CACNA1C: variants seen among roughly 807,000 people sequenced by gnomAD.
The protein encoded by CACNA1C is calcium voltage-gated channel subunit alpha1 C.
In CACNA1C, 30 loss-of-function variants were observed where a neutral mutation model predicts 229.0. That is an observed-to-expected ratio of 0.13 (90% CI 0.10 to 0.18). CACNA1C has a LOEUF of 0.18. Among genes scored for constraint, CACNA1C ranks in the 10% least tolerant of loss-of-function variants. The probability of loss-of-function intolerance (pLI) is 1.00; values close to 1 mark genes in which losing one functional copy is unlikely to be tolerated. For synonymous variants in CACNA1C, 1,114 were observed against 1,132.5 expected (o/e 0.98, Z 0.33); for missense variants, 1,658 against 2,845.0 (o/e 0.58, Z 9.49).
intron 6 of CACNA1C, among the ~76,000 whole-genome samples, chr12:2,491,586 A>T (rs2099734455): frequency 6.6e-6 from 1 of 151,766 alleles, no homozygotes; most frequent in African/African-American, 2.4e-5. Context: ...ATTATAAGTC[A>T]ATAAAGCTGA....
chr12:2,515,107 G>A (rs1004054705), intron 9 of CACNA1C, among the ~76,000 whole-genome samples: 1 of 152,228 alleles, frequency 6.6e-6, no homozygotes, highest in African/African-American at 2.4e-5. Context: ...CTTGTCCTAA[G>A]AGGACTGGAG....
intron 28 of CACNA1C, 76 bp downstream of exon 28, chr12:2,610,775 G>C (rs1165112829): frequency 6.8e-7 from 1 of 1,477,416 alleles, no homozygotes; most frequent in Non-Finnish European, 9.4e-7. Flanking sequence ...TAACGGAGCG[G>C]CAGGCAGCTC....
intron 1 of CACNA1C, among the ~76,000 whole-genome samples, chr12:2,083,069 G>A (rs1311478613): frequency 3.3e-5 from 5 of 152,128 alleles, no homozygotes; most frequent in African/African-American, 1.2e-4. Flanking sequence ...ACATGGCCTG[G>A]CTTGAACATA....
chr12:2,018,061 G>C (rs113179274), intron 1 of CACNA1C, among the ~76,000 whole-genome samples: 4,633 of 152,288 alleles, frequency 0.03, 147 homozygotes, highest in African/African-American at 0.079. Flanking sequence ...GGTTGCAGAC[G>C]CGTGGTCTAA....
At chr12:2,652,901 G>C (rs758955654) in intron 32 of CACNA1C, among the ~76,000 whole-genome samples, 1 of 123,668 alleles carries the variant, frequency 8.1e-6, no homozygotes, top group Non-Finnish European at 1.9e-5. Context: ...CTGCCCCCCC[G>C]ACATCTCCTG....
At chr12:2,183,299 A>C (rs2096895956) in intron 3 of CACNA1C, among the ~76,000 whole-genome samples, 1 of 152,200 alleles carries the variant, frequency 6.6e-6, no homozygotes, top group Non-Finnish European at 1.5e-5. Flanking sequence ...TTGTAGGAGA[A>C]CAGAGCTCCT....
chr12:2,572,696 T>TCTCCTCTTCCTCCTC (rs2056440238), intron 13 of CACNA1C, among the ~76,000 whole-genome samples: 1 of 42,290 alleles, frequency 2.4e-5, no homozygotes, highest in Non-Finnish European at 4.8e-5. Context: ...TCTTCCTCCT[T>TCTCCTCTTCCTCCTC]CTCCTCTTCC....
chr12:2,553,579 T>C (rs2370595), intron 10 of CACNA1C, among the ~76,000 whole-genome samples: 135,236 of 152,288 alleles, frequency 0.89, 60,572 homozygotes, highest in Non-Finnish European at 0.95. Flanking sequence ...ATCATAAATG[T>C]GCAGTCAGCC....
rs992428365 is a variant in CACNA1C at position 2,488,918 on chromosome 12, G to A, written c.916+2656G>A. On this transcript the variant is annotated intron_variant, in intron 6 of 46. Transcript: ENST00000399655. This position sits in a 1 kb window ranked among gnomAD's most constrained non-coding sequence, Gnocchi z 4.0. ...GTCACTCTTAGCACAACACGATGCC[G>A]CTGCTATCAAGCCCTTGTCCACCCA... is the stretch of plus-strand genomic sequence containing the variant. Among the ~76,000 whole-genome samples, 3 of 152,204 alleles carry A rather than the reference G, an allele frequency of 2.0e-5. No homozygotes were observed. Among genetic ancestry groups the A allele is most frequent in the Admixed American group, 6.5e-5 (1 of 15,292 alleles).
At chr12:1,982,473 T>C (rs1448054276) in intron 1 of CACNA1C, among the ~76,000 whole-genome samples, 1 of 152,204 alleles carries the variant, frequency 6.6e-6, no homozygotes, top group Non-Finnish European at 1.5e-5. Context: ...AATCATACAA[T>C]ATTTGTTCTT....
intron 3 of CACNA1C, among the ~76,000 whole-genome samples, chr12:2,192,747 G>A (rs2097278025): frequency 1.3e-5 from 2 of 150,374 alleles, no homozygotes; most frequent in South Asian, 4.2e-4. Context: ...CACGGTACCT[G>A]GCACTCCCCC....
chr12:2,299,494 A>G (rs1163415934), intron 3 of CACNA1C, among the ~76,000 whole-genome samples: 3 of 152,016 alleles, frequency 2.0e-5, no homozygotes, highest in Admixed American at 1.3e-4. Flanking sequence ...GCTAGTTCAG[A>G]TGCTATGGAC....
Position 2,462,406 on chromosome 12 carries a change from C to A in CACNA1C, c.757+4700C>A, listed in dbSNP as rs532681348. 2.3e-4 allele frequency among the ~76,000 whole-genome samples: 33 copies of A among 142,878 alleles called. No individual in the cohort carries two copies. The East Asian group carries it at 7.2e-3, about 31-fold the overall frequency. 93.7% of individuals were successfully genotyped at this position (142,878 alleles called of 152,430 possible). On this transcript the variant is annotated intron_variant, in intron 5 of 46. Coordinates refer to ENST00000399655, the MANE Select transcript of CACNA1C (RefSeq NM_000719.7). ...CCGCTGATGCCATCCCCTCACTCCC[C>A]GTTCATCCACCCTTCCCTGCTCCAT...
Position 2,654,445 on chromosome 12 carries a change from C to T in CACNA1C, c.4140+545C>T, listed in dbSNP as rs1414505962. Among the ~76,000 whole-genome samples, 1 of 152,234 alleles carries T rather than the reference C, an allele frequency of 6.6e-6. No homozygotes were observed. The highest frequency in any genetic ancestry group is 1.5e-5 in the Non-Finnish European group (1 of 68,046). ...CCTCCCCTCCCAGGTGCCCACTGCA[C>T]CATTCACCGCAAACCTAGGGCTCTC... On this transcript the variant is annotated intron_variant, in intron 33 of 46. Transcript: ENST00000399655. The surrounding 1 kb of genome is among the most constrained non-coding windows in gnomAD (Gnocchi z 4.4).
chr12:2,136,048 C>A (rs1014125540), intron 3 of CACNA1C, among the ~76,000 whole-genome samples: 2 of 150,814 alleles, frequency 1.3e-5, no homozygotes, highest in Admixed American at 6.7e-5. Flanking sequence ...GCGCAATATT[C>A]GGGTGGGAGT....
At chr12:2,508,080 G>A (rs1227540071) in intron 8 of CACNA1C, among the ~76,000 whole-genome samples, 8 of 152,262 alleles carry the variant, frequency 5.3e-5, no homozygotes, top group Admixed American at 5.2e-4. Context: ...GGGCTGCTTA[G>A]CAGAGGGACC....
At chr12:2,579,457 CCAGCCCCAGAGT>C (rs1167219323) in intron 13 of CACNA1C, among the ~76,000 whole-genome samples, 1 of 152,004 alleles carries the variant, frequency 6.6e-6, no homozygotes, top group Non-Finnish European at 1.5e-5. Context: ...GAGGATTACC[CCAGCCCCAGAGT>C]CAGCCCCAGA....
At chr12:2,240,902 G>A (rs890032887) in intron 3 of CACNA1C, among the ~76,000 whole-genome samples, 3 of 152,054 alleles carry the variant, frequency 2.0e-5, no homozygotes, top group South Asian at 4.1e-4. Flanking sequence ...TCTCTACACC[G>A]TCTCAGTGGG....
chr12:2,034,401 A>G lies in CACNA1C; in HGVS notation c.139+63200A>G, dbSNP rs1448808425. ...GGAACGAGATTCCACGCAACCTGAT[A>G]AAGAACTTGCTCATGGTCAGAGTTG... is the stretch of plus-strand genomic sequence containing the variant. On this transcript the variant is annotated intron_variant, in intron 1 of 46. Coordinates refer to the CACNA1C transcript ENST00000682462. The surrounding 1 kb of genome is among the most constrained non-coding windows in gnomAD (Gnocchi z 4.1). 6.6e-6 allele frequency among the ~76,000 whole-genome samples: 1 copy of G among 152,226 alleles called. No individual in the cohort carries two copies. The highest frequency in any genetic ancestry group is 2.4e-5 in the African/African-American group (1 of 41,464).
Sources: allele counts gnomAD v4.1 joint callset (sites outside exome capture counted in the v4.1 genomes callset), GRCh38; gene constraint gnomAD v4.1.1; non-coding constraint Gnocchi (gnomAD v3.1); transcripts MANE v1.5; gene names NCBI Gene and HGNC (gene_info 2026-07-23, HGNC 2026-07-21).